Variants in BICC1 observed in about 807,000 individuals in gnomAD.
BICC1 encodes protein bicaudal C homolog 1.
In BICC1, 43 loss-of-function variants were observed where a neutral mutation model predicts 111.0. That is an observed-to-expected ratio of 0.39 (90% CI 0.30 to 0.50). The LOEUF (loss-of-function observed/expected upper bound fraction) is 0.50, where lower values mean the gene tolerates loss of function less well. Among genes scored for constraint, BICC1 ranks in the 20% least tolerant of loss-of-function variants. BICC1 has a pLI of 0.88. For missense variants in BICC1, 1,091 were observed against 1,203.2 expected (o/e 0.91, Z 1.38); for synonymous variants, 467 against 434.4 (o/e 1.07, Z -0.93).
At chr10:58,788,342 C>G in intron 5 of BICC1, 28 bp from the exon 6 acceptor site, 3 of 1,546,052 alleles carry the variant, frequency 1.9e-6, no homozygotes, top group Non-Finnish European at 2.7e-6. Context: ...TAAAATAAAT[C>G]TAACTTTGTA....
At chr10:58,712,808 G>A (rs1840618070) in intron 3 of BICC1, among the ~76,000 whole-genome samples, 1 of 152,172 alleles carries the variant, frequency 6.6e-6, no homozygotes, top group South Asian at 2.1e-4. Flanking sequence ...AAGGCCCATA[G>A]AACAGGTTTT....
At chr10:58,808,491 GCTTT>G (rs1052330618) in intron 17 of BICC1, among the ~76,000 whole-genome samples, 2 of 152,074 alleles carry the variant, frequency 1.3e-5, no homozygotes, top group African/African-American at 2.4e-5. Flanking sequence ...ATTCAGTTCT[GCTTT>G]CTAAGACCAA....
intron 1 of BICC1, among the ~76,000 whole-genome samples, chr10:58,550,925 T>C (rs190885026): frequency 8.5e-5 from 13 of 152,318 alleles, no homozygotes; most frequent in African/African-American, 3.1e-4. Flanking sequence ...TTGGGTGTTT[T>C]TAAGATATTA....
intron 2 of BICC1, among the ~76,000 whole-genome samples, chr10:58,684,304 G>A (rs1251637208): frequency 1.3e-5 from 2 of 152,048 alleles, no homozygotes; most frequent in African/African-American, 2.4e-5. Flanking sequence ...TTTTTGCATC[G>A]ATGTCATCAG....
At chr10:58,731,804 A>C (rs1292173998) in intron 3 of BICC1, among the ~76,000 whole-genome samples, 1 of 152,092 alleles carries the variant, frequency 6.6e-6, no homozygotes, top group Admixed American at 6.6e-5. Context: ...CATTGTTGTC[A>C]TGACAGTACC....
chr10:58,532,895 G>C (rs867068808), intron 1 of BICC1, among the ~76,000 whole-genome samples: 1 of 151,770 alleles, frequency 6.6e-6, no homozygotes, highest in African/African-American at 2.4e-5. Flanking sequence ...ACATGGTTTT[G>C]CCAGTACAAT....
chr10:58,672,016 G>A (rs1839199468), intron 2 of BICC1, among the ~76,000 whole-genome samples: 1 of 152,028 alleles, frequency 6.6e-6, no homozygotes, highest in South Asian at 2.1e-4. Context: ...CATTTTTCTA[G>A]CATTTCCTGT....
intron 2 of BICC1, among the ~76,000 whole-genome samples, chr10:58,684,568 A>G (rs1157603915): frequency 2.0e-5 from 3 of 152,164 alleles, no homozygotes; most frequent in African/African-American, 7.2e-5. Context: ...TTATTAGTCT[A>G]TTCAGAGATT....
rs1443445607 is a variant in BICC1, at chr10:58,754,746, G to C, written c.308-30255G>C. Among the ~76,000 whole-genome samples, 6 of 130,540 alleles carry C rather than the reference G, an allele frequency of 4.6e-5. No individual in the cohort carries two copies. In the Admixed American group the frequency reaches 5.0e-4, roughly 11 times the overall value. 85.6% of individuals were successfully genotyped at this position (130,540 alleles called of 152,430 possible). On this transcript the variant is annotated intron_variant, in intron 3 of 20. Coordinates refer to ENST00000373886, the MANE Select transcript of BICC1 (RefSeq NM_001080512.3). ...GTATGGGCTTTAGGGACAAACTTGT[G>C]AGGGGGGGTGTGTATGTGTGTGTGT... is the stretch of plus-strand genomic sequence containing the variant.
At chr10:58,753,166 G>T (rs914974109) in intron 3 of BICC1, among the ~76,000 whole-genome samples, 3 of 151,928 alleles carry the variant, frequency 2.0e-5, no homozygotes, top group Admixed American at 2.0e-4. Context: ...TGTTGTTTTT[G>T]TTGTTGTTGT....
intron 3 of BICC1, among the ~76,000 whole-genome samples, chr10:58,748,595 G>T (rs952775704): frequency 2.0e-5 from 3 of 152,034 alleles, no homozygotes; most frequent in Non-Finnish European, 4.4e-5. Context: ...TATAGTAGAA[G>T]AATATTTGAT....
At chr10:58,688,127 C>G (rs1454016724) in intron 2 of BICC1, among the ~76,000 whole-genome samples, 2 of 152,018 alleles carry the variant, frequency 1.3e-5, no homozygotes, top group African/African-American at 4.8e-5. Flanking sequence ...AGCGTGGACC[C>G]AAAGAGTGAG....
At chr10:58,543,573 G>C (rs1262165200) in intron 1 of BICC1, among the ~76,000 whole-genome samples, 1 of 152,038 alleles carries the variant, frequency 6.6e-6, no homozygotes, top group Non-Finnish European at 1.5e-5. Context: ...GCAGTGGTGT[G>C]ATCATAGCTC....
chr10:58,527,875 G>C (rs1346300), intron 1 of BICC1, among the ~76,000 whole-genome samples: 69,784 of 151,716 alleles, frequency 0.46, 17,110 homozygotes, highest in Admixed American at 0.62. Flanking sequence ...TGCAGGTGTT[G>C]CAAAGCTCTG....
intron 13 of BICC1, 93 bp from the exon 14 acceptor site, chr10:58,800,797 A>C: frequency 8.0e-7 from 1 of 1,246,402 alleles, no homozygotes; most frequent in Admixed American, 2.4e-5. Context: ...GTCTCCATAG[A>C]GTAGGGTTCT....
chr10:58,514,655 CTT>C lies in BICC1; in HGVS notation c.190+1324_190+1325del, dbSNP rs1341486041. The stretch of plus-strand genomic sequence containing the variant: ...CAAACATCCCTAATGTGTGTCATGT[CTT>C]TCTCTGTCTCTCCCCTTCCCTCTCT... On this transcript the variant is annotated intron_variant, in intron 1 of 20. Coordinates refer to ENST00000373886, the MANE Select transcript of BICC1 (RefSeq NM_001080512.3). Among the ~76,000 whole-genome samples, 15 of 139,590 alleles carry C rather than the reference CTT, an allele frequency of 1.1e-4. No homozygotes were observed. In the East Asian group the frequency reaches 2.3e-3, roughly 22 times the overall value. The allele number at this position is 139,590 out of a possible 152,430, so 91.6% of individuals were successfully genotyped here. A position where few individuals can be genotyped will look rare whatever the true frequency, so the allele number is the denominator to read the frequency against.
At chr10:58,603,487 G>A (rs889479235) in intron 1 of BICC1, among the ~76,000 whole-genome samples, 5 of 152,114 alleles carry the variant, frequency 3.3e-5, no homozygotes, top group South Asian at 2.1e-4. Context: ...GATTTTTCTC[G>A]TGAGCACCCC....
intron 1 of BICC1, among the ~76,000 whole-genome samples, chr10:58,589,901 C>G (rs958614554): frequency 6.6e-6 from 1 of 151,970 alleles, no homozygotes; most frequent in Admixed American, 6.6e-5. Flanking sequence ...GAACTCGTGG[C>G]CTCAAGCGAT....
At chr10:58,800,780 T>C (rs1843519848) in intron 13 of BICC1, 110 bp from the exon 14 acceptor site, 1 of 1,098,808 alleles carries the variant, frequency 9.1e-7, no homozygotes. Context: ...TCTGTCAGGT[T>C]AATCATGTCT....
Sources: gnomAD v4.1 joint callset for allele counts (sites outside exome capture counted in the v4.1 genomes callset) on GRCh38, gnomAD v4.1.1 for gene constraint, MANE v1.5 for transcripts, NCBI Gene and HGNC (gene_info 2026-07-23, HGNC 2026-07-21) for gene names.